The following CNTN6 variants were observed in gnomAD, a reference collection of about 807,000 sequenced individuals.
CNTN6 encodes contactin-6.
Under a neutral mutation model 122.8 loss-of-function variants are expected in CNTN6, and 137 were observed. The ratio of observed to expected loss-of-function variants is 1.12; its 90% CI spans 0.97 to 1.29. The LOEUF (loss-of-function observed/expected upper bound fraction) is 1.29, where lower values mean the gene tolerates loss of function less well. Among genes scored for constraint, CNTN6 ranks in the 50% most tolerant of loss-of-function variants. The pLI, the probability that CNTN6 is intolerant of heterozygous loss-of-function variation, is 0.00. For missense variants in CNTN6, 1,634 were observed against 1,223.4 expected (o/e 1.34, Z -5.01); for synonymous variants, 570 against 426.0 (o/e 1.34, Z -4.16).
chr3:1,148,189 T>G, intron 2 of CNTN6, 126 bp downstream of exon 2: 1 of 702,926 alleles, frequency 1.4e-6, no homozygotes, highest in Non-Finnish European at 2.4e-6. Flanking sequence ...TGATAATGTT[T>G]TGAAGGTAAC....
At chr3:1,099,911 T>C (rs1325681207) in intron 1 of CNTN6, among the ~76,000 whole-genome samples, 1 of 152,196 alleles carries the variant, frequency 6.6e-6, no homozygotes, top group Non-Finnish European at 1.5e-5. Flanking sequence ...TAAATAACTA[T>C]TTTAACATAA....
intron 19 of CNTN6, among the ~76,000 whole-genome samples, chr3:1,384,728 CACATATATAT>C (rs1692521212): frequency 7.7e-6 from 1 of 130,048 alleles, no homozygotes; most frequent in South Asian, 2.3e-4. Context: ...TATATATACA[CACATATATAT>C]ACATATATAC....
At chr3:1,145,049 A>G (rs2092695725) in intron 1 of CNTN6, among the ~76,000 whole-genome samples, 1 of 152,174 alleles carries the variant, frequency 6.6e-6, no homozygotes, top group South Asian at 2.1e-4. Context: ...GTCTATGTGT[A>G]TTATAACCCA....
intron 4 of CNTN6, among the ~76,000 whole-genome samples, chr3:1,241,694 C>G (rs991315643): frequency 2.0e-5 from 3 of 152,128 alleles, no homozygotes; most frequent in African/African-American, 7.2e-5. Flanking sequence ...TGTCATACAC[C>G]AGGCCAGATT....
chr3:1,276,257 T>C (rs1692340441), intron 4 of CNTN6, among the ~76,000 whole-genome samples: 1 of 152,222 alleles, frequency 6.6e-6, no homozygotes, highest in South Asian at 2.1e-4. Context: ...AGTTTTTTAC[T>C]GTTGTTTTCT....
intron 7 of CNTN6, 173 bp downstream of exon 7, chr3:1,298,164 A>ATGT: frequency 1.8e-6 from 1 of 559,328 alleles, no homozygotes; most frequent in Non-Finnish European, 3.2e-6. Flanking sequence ...ATACTGAGAC[A>ATGT]ATGACCAGGC....
rs142841094 is a variant in CNTN6 at position 1,129,641 on chromosome 3, A to G, written c.-82-18286A>G. On this transcript the variant is annotated intron_variant, in intron 1 of 22. Transcript: ENST00000446702. ...AATGAATTCTAATATGCAAAGTGCTATATTTATTAAATATAAGATGTTTTC... is the reference window on the plus strand; with the variant it reads ...AATGAATTCTAATATGCAAAGTGCTGTATTTATTAAATATAAGATGTTTTC... 6.9e-3 allele frequency among the ~76,000 whole-genome samples: 1,046 copies of G among 152,218 alleles called. 6 individuals are homozygous for G. The highest frequency in any genetic ancestry group is 0.031 in the Middle Eastern group (9 of 294).
At position 1,323,645 on chromosome 3, in the gene CNTN6, T is replaced by G. The variant is rs1480760302; in HGVS notation, c.946+1811T>G. Among the ~76,000 whole-genome samples, 4 of 151,802 alleles carry G rather than the reference T, an allele frequency of 2.6e-5. No individual in the cohort carries two copies. In the East Asian group the frequency reaches 7.8e-4, roughly 30 times the overall value. ...AAGTAATATTGTATATCCATCTATATCGTAATTTTATAATCTCTAAAAGAA... is the reference window on the plus strand; with the variant it reads ...AAGTAATATTGTATATCCATCTATAGCGTAATTTTATAATCTCTAAAAGAA... On this transcript the variant is annotated intron_variant, in intron 8 of 22. Coordinates refer to ENST00000446702, the MANE Select transcript of CNTN6 (RefSeq NM_001289080.2).
chr3:1,163,408 C>T (rs771258972), intron 2 of CNTN6, among the ~76,000 whole-genome samples: 25 of 152,162 alleles, frequency 1.6e-4, no homozygotes, highest in Non-Finnish European at 2.8e-4. Context: ...GCTATGCCCT[C>T]ATGTGCCAGC....
At chr3:1,278,876 G>A (rs771345182) in intron 5 of CNTN6, among the ~76,000 whole-genome samples, 3 of 152,144 alleles carry the variant, frequency 2.0e-5, no homozygotes, top group African/African-American at 7.2e-5. Flanking sequence ...CTATAAAATA[G>A]AGACATTAAC....
chr3:1,107,705 G>A (rs546666869), intron 1 of CNTN6, among the ~76,000 whole-genome samples: 3 of 152,090 alleles, frequency 2.0e-5, no homozygotes, highest in South Asian at 4.2e-4. Context: ...TTGCCTTTCA[G>A]CTCTCATGGT....
intron 7 of CNTN6, among the ~76,000 whole-genome samples, chr3:1,301,480 A>G (rs1177668803): frequency 6.6e-6 from 1 of 152,232 alleles, no homozygotes; most frequent in African/African-American, 2.4e-5. Flanking sequence ...CATGTTGGTT[A>G]AGTTTATGCA....
chr3:1,196,859 G>A (rs2093785321), intron 2 of CNTN6, among the ~76,000 whole-genome samples: 1 of 152,150 alleles, frequency 6.6e-6, no homozygotes, highest in Non-Finnish European at 1.5e-5. Context: ...ATAGCCACAA[G>A]TAAAAGCTGT....
chr3:1,368,242 A>G (rs1014059410), intron 12 of CNTN6, among the ~76,000 whole-genome samples: 1 of 152,210 alleles, frequency 6.6e-6, no homozygotes, highest in Admixed American at 6.5e-5. Flanking sequence ...GTCCCTTTCA[A>G]TTTCTTGTAC....
intron 5 of CNTN6, among the ~76,000 whole-genome samples, chr3:1,291,776 C>T (rs932839364): frequency 6.6e-6 from 1 of 152,006 alleles, no homozygotes; most frequent in Non-Finnish European, 1.5e-5. Context: ...CAGCAAAGGA[C>T]GTCAGTAAAG....
intron 4 of CNTN6, among the ~76,000 whole-genome samples, chr3:1,241,427 G>A (rs1327038556): frequency 1.3e-5 from 2 of 151,932 alleles, no homozygotes; most frequent in African/African-American, 4.8e-5. Context: ...TTGTGGTGAG[G>A]GGTGATATTG....
chr3:1,253,429 G>T (rs921403841), intron 4 of CNTN6, among the ~76,000 whole-genome samples: 2 of 152,106 alleles, frequency 1.3e-5, no homozygotes, highest in Non-Finnish European at 2.9e-5. Context: ...GTTGATAAAT[G>T]GTTATGTAAT....
intron 12 of CNTN6, among the ~76,000 whole-genome samples, chr3:1,358,189 A>G (rs975324121): frequency 6.6e-6 from 1 of 151,888 alleles, no homozygotes; most frequent in Non-Finnish European, 1.5e-5. Context: ...AAACACTTCA[A>G]CCGATACGTT....
chr3:1,339,413 G>A (rs73819713), intron 11 of CNTN6, among the ~76,000 whole-genome samples: 4,189 of 152,226 alleles, frequency 0.028, 190 homozygotes, highest in African/African-American at 0.094. Context: ...GACGGGCGTT[G>A]TGAAAGATTC....
Sources: allele counts gnomAD v4.1 joint callset (sites outside exome capture counted in the v4.1 genomes callset), GRCh38; gene constraint gnomAD v4.1.1; transcripts MANE v1.5; gene names NCBI Gene and HGNC (gene_info 2026-07-23, HGNC 2026-07-21).